AGAP5: variants seen among roughly 807,000 people sequenced by gnomAD.
AGAP5 encodes ArfGAP with GTPase domain, ankyrin repeat and PH domain 5.
A neutral mutation model predicts 27.7 loss-of-function variants in AGAP5; 8 were observed. The observed-to-expected ratio is 0.29, with a 90% confidence interval of 0.17 to 0.52. The LOEUF is 0.52. AGAP5 is among the 20% of genes least tolerant of loss of function. The pLI, the probability that AGAP5 is intolerant of heterozygous loss-of-function variation, is 0.97. For synonymous variants in AGAP5, 111 were observed against 338.0 expected (o/e 0.33, Z 7.37); for missense variants, 285 against 880.8 (o/e 0.32, Z 8.56).
At position 73,697,981 on chromosome 10, in the gene AGAP5, T is replaced by C. The variant is rs1198208004; in HGVS notation, c.-226A>G. 14 of 1,479,664 alleles carry C rather than the reference T, an allele frequency of 9.5e-6. No homozygotes were observed. Among genetic ancestry groups the C allele is most frequent in the Non-Finnish European group, 1.2e-5 (13 of 1,120,538 alleles). 91.7% of individuals were successfully genotyped at this position (1,479,664 alleles called of 1,614,324 possible). A position where few individuals can be genotyped will look rare whatever the true frequency, so the allele number is the denominator to read the frequency against. On this transcript the variant is annotated 5_prime_UTR_variant, in exon 1 of 8. Transcript: ENST00000374094. ...CCCTGCTGCCTCCCCTGAGTTGACTTGTCTGGGAGGGTGAAGACCAGCTGG... is the reference window on the plus strand; with the variant it reads ...CCCTGCTGCCTCCCCTGAGTTGACTCGTCTGGGAGGGTGAAGACCAGCTGG...
At chr10:73,681,096 C>CA (rs1383274406) in intron 5 of AGAP5, 1 of 139,848 alleles carries the variant, frequency 7.2e-6, no homozygotes, top group African/African-American at 2.8e-5. Flanking sequence ...AACTTTGCTG[C>CA]ACATTAAAAT....
intron 6 of AGAP5, among the ~76,000 whole-genome samples, chr10:73,678,526 T>C (rs2081998383): frequency 6.6e-6 from 1 of 152,238 alleles, no homozygotes; most frequent in Admixed American, 6.5e-5. Flanking sequence ...TTTTCAATAC[T>C]TAAAGGCGTG....
At chr10:73,681,297 G>C in intron 5 of AGAP5, 1 of 984,352 alleles carries the variant, frequency 1.0e-6, no homozygotes, top group Non-Finnish European at 1.2e-6. Context: ...TTCACAGAAA[G>C]ATGCCTCACA....
At chr10:73,692,128 A>G in intron 3 of AGAP5, 51 bp from the exon 4 acceptor site, 1 of 1,402,996 alleles carries the variant, frequency 7.1e-7, no homozygotes, top group Non-Finnish European at 9.6e-7. Flanking sequence ...ACCATAAAAT[A>G]AAAGTAGTTG....
At position 73,674,779 on chromosome 10, in the gene AGAP5, C is replaced by T. The variant is rs11546412; in HGVS notation, c.1881G>A (p.Ala627=). The part of the protein sequence containing the change: ...ETCGEGDGCT[A]LHLACRKGNV... Reference sequence around the variant, plus strand: ...TCCCCTTGCGGCAGGCCAGATGGAGCGCCGTGCAGCCGTCTCCCTCCCCAC... The same window carrying T: ...TCCCCTTGCGGCAGGCCAGATGGAGTGCCGTGCAGCCGTCTCCCTCCCCAC... The change falls in exon 8 of 8, where the codon GCG becomes GCA. Residue 627 remains alanine, a synonymous_variant. Transcript: ENST00000374094. 93 of 1,611,800 alleles carry T rather than the reference C, an allele frequency of 5.8e-5. No individual in the cohort carries two copies. Among genetic ancestry groups the T allele is most frequent in the South Asian group, 4.7e-4 (43 of 90,996 alleles).
At chr10:73,697,336 G>A (rs555683624) in intron 1 of AGAP5, among the ~76,000 whole-genome samples, 173 bp from the exon 2 acceptor site, 1 of 152,162 alleles carries the variant, frequency 6.6e-6, no homozygotes, top group Non-Finnish European at 1.5e-5. Context: ...GAGGCGAAAA[G>A]AAACTGACTG....
intron 4 of AGAP5, among the ~76,000 whole-genome samples, chr10:73,690,341 A>G (rs545944689): frequency 6.6e-6 from 1 of 152,150 alleles, no homozygotes; most frequent in African/African-American, 2.4e-5. Flanking sequence ...CATGTGCTGT[A>G]TCCACTCAGG....
At chr10:73,689,357 C>A (rs1219723691) in intron 4 of AGAP5, among the ~76,000 whole-genome samples, 1 of 152,242 alleles carries the variant, frequency 6.6e-6, no homozygotes, top group Non-Finnish European at 1.5e-5. Context: ...CTTCCAGCAG[C>A]CTGCCTTGGC....
chr10:73,697,760 C>T lies in AGAP5; in HGVS notation c.-5G>A, dbSNP rs529412782. The stretch of plus-strand genomic sequence containing the variant: ...ACAGGTCAGTATGTTCCCCATGGGG[C>T]GCCTCTACTGTCTGCCACCACCTGT... On this transcript the variant is annotated 5_prime_UTR_variant, in exon 1 of 8. Coordinates refer to ENST00000374094, the MANE Select transcript of AGAP5 (RefSeq NM_001144000.4). 6 of 1,597,594 alleles carry T rather than the reference C, an allele frequency of 3.8e-6. No homozygotes were observed. Among genetic ancestry groups the T allele is most frequent in the Admixed American group, 1.7e-5 (1 of 60,008 alleles).
chr10:73,677,687 C>T (rs2081991688), intron 6 of AGAP5, among the ~76,000 whole-genome samples: 3 of 152,206 alleles, frequency 2.0e-5, no homozygotes, highest in African/African-American at 7.2e-5. Flanking sequence ...GCCTGGCCAA[C>T]ACTGTTCTGA....
chr10:73,686,173 C>T lies in AGAP5; in HGVS notation c.397-3379G>A, dbSNP rs376075302. 5.3e-4 allele frequency among the ~76,000 whole-genome samples: 81 copies of T among 152,258 alleles called. No homozygotes were observed. The South Asian group carries it at 0.014, about 26-fold the overall frequency. On this transcript the variant is annotated intron_variant, in intron 4 of 7. Coordinates refer to ENST00000374094, the MANE Select transcript of AGAP5 (RefSeq NM_001144000.4). ...TCAAACTATACTATAAGGCCATAGT[C>T]GCCAAAATAGCACGGTACTGATATA...
intron 3 of AGAP5, 76 bp from the exon 4 acceptor site, chr10:73,692,153 A>AT (rs1351329846): frequency 1.7e-6 from 1 of 591,614 alleles, no homozygotes; most frequent in Admixed American, 3.4e-5. Flanking sequence ...CATCTTACTG[A>AT]TTACTCCTAT....
At chr10:73,693,001 C>CA (rs1554962820) in intron 3 of AGAP5, among the ~76,000 whole-genome samples, 1 of 151,904 alleles carries the variant, frequency 6.6e-6, no homozygotes, top group Admixed American at 6.6e-5. Context: ...GTCTGCAGCA[C>CA]AAAAAATCAT....
chr10:73,697,404 T>C (rs2082169770), intron 1 of AGAP5, 129 bp downstream of exon 1: 3 of 1,578,532 alleles, frequency 1.9e-6, no homozygotes, highest in East Asian at 2.2e-5. Flanking sequence ...CTTTTGTTCC[T>C]GGCCAGCCCC....
chr10:73,696,647 C>T (rs2132464368), intron 2 of AGAP5, among the ~76,000 whole-genome samples: 1 of 152,350 alleles, frequency 6.6e-6, no homozygotes, highest in East Asian at 1.9e-4. Context: ...CCCAAACACA[C>T]ACACACAACC....
At chr10:73,696,405 C>T (rs889037868) in intron 2 of AGAP5, among the ~76,000 whole-genome samples, 1 of 152,234 alleles carries the variant, frequency 6.6e-6, no homozygotes, top group Non-Finnish European at 1.5e-5. Flanking sequence ...AACACTCTTA[C>T]AGGGAAGGTC....
intron 3 of AGAP5, 84 bp downstream of exon 3, chr10:73,694,652 T>C: frequency 1.3e-6 from 2 of 1,591,224 alleles, no homozygotes; most frequent in Non-Finnish European, 1.7e-6. Flanking sequence ...TAAACCAATA[T>C]GAGTTTTTCT....
intron 4 of AGAP5, among the ~76,000 whole-genome samples, chr10:73,685,792 C>T (rs1260949140): frequency 6.6e-6 from 1 of 152,076 alleles, no homozygotes; most frequent in Admixed American, 6.5e-5. Context: ...ACCTCATGAT[C>T]CGTCCGCCTT....
intron 4 of AGAP5, among the ~76,000 whole-genome samples, chr10:73,691,492 C>CTTTTTTT (rs770330986): frequency 7.5e-6 from 1 of 132,884 alleles, no homozygotes. Flanking sequence ...ATTTAAGGCA[C>CTTTTTTT]TTTTTTTTTT....
Sources: allele counts gnomAD v4.1 joint callset (sites outside exome capture counted in the v4.1 genomes callset), GRCh38; gene constraint gnomAD v4.1.1; transcripts MANE v1.5; gene names NCBI Gene and HGNC (gene_info 2026-07-23, HGNC 2026-07-21).